The following CA10 variants were observed in gnomAD, a reference collection of about 807,000 sequenced individuals.
CA10 encodes the protein carbonic anhydrase 10 (inactive).
A neutral mutation model predicts 44.2 loss-of-function variants in CA10; 14 were observed. That is an observed-to-expected ratio of 0.32 (90% CI 0.21 to 0.50). The LOEUF is 0.50. Among genes scored for constraint, CA10 ranks in the 20% least tolerant of loss-of-function variants. The pLI is 0.99. For synonymous variants in CA10, 159 were observed against 141.6 expected (o/e 1.12, Z -0.87); for missense variants, 350 against 409.7 (o/e 0.85, Z 1.26).
intron 4 of CA10, among the ~76,000 whole-genome samples, chr17:51,710,582 G>C (rs1377502661): frequency 6.6e-6 from 1 of 152,134 alleles, no homozygotes; most frequent in Non-Finnish European, 1.5e-5. Context: ...ACAGGAGGTG[G>C]GAGTTTGGGG....
chr17:52,156,215 G>A (rs1375097661), intron 1 of CA10, among the ~76,000 whole-genome samples: 1 of 152,160 alleles, frequency 6.6e-6, no homozygotes, highest in Non-Finnish European at 1.5e-5. Context: ...TAGACATGTA[G>A]AAGAGAAAGA....
intron 4 of CA10, among the ~76,000 whole-genome samples, chr17:51,728,007 C>T (rs1916587404): frequency 6.6e-6 from 1 of 151,942 alleles, no homozygotes; most frequent in Non-Finnish European, 1.5e-5. Flanking sequence ...CACCTCAGTC[C>T]CTTGAGTAGC....
intron 4 of CA10, among the ~76,000 whole-genome samples, chr17:51,678,990 C>T (rs1456122097): frequency 6.6e-6 from 1 of 152,134 alleles, no homozygotes; most frequent in Non-Finnish European, 1.5e-5. Context: ...TAAGCTTTCT[C>T]CGTTCATTCA....
intron 3 of CA10, among the ~76,000 whole-genome samples, chr17:51,772,680 T>G (rs1163040976): frequency 6.9e-6 from 1 of 145,288 alleles, no homozygotes; most frequent in Non-Finnish European, 1.5e-5. Flanking sequence ...TTTTTTTTTT[T>G]GAACTAGGCC....
intron 3 of CA10, among the ~76,000 whole-genome samples, chr17:51,835,182 T>C (rs1908429746): frequency 6.6e-6 from 1 of 152,164 alleles, no homozygotes; most frequent in Non-Finnish European, 1.5e-5. Context: ...TCAGCCCCCA[T>C]TTGCAGGTAG....
At chr17:52,079,663 T>C (rs1248719521) in intron 1 of CA10, among the ~76,000 whole-genome samples, 1 of 152,090 alleles carries the variant, frequency 6.6e-6, no homozygotes, top group Non-Finnish European at 1.5e-5. Context: ...AGTGGGAATG[T>C]GGACAAAAGT....
chr17:51,925,429 A>AC (rs1183202157), intron 3 of CA10, among the ~76,000 whole-genome samples: 2 of 147,590 alleles, frequency 1.4e-5, no homozygotes, highest in Admixed American at 6.7e-5. Flanking sequence ...ATAAATAACA[A>AC]AAAAAAAAAA....
chr17:51,640,350 T>A (rs1913028842), intron 6 of CA10, among the ~76,000 whole-genome samples: 1 of 152,156 alleles, frequency 6.6e-6, no homozygotes, highest in African/African-American at 2.4e-5. Flanking sequence ...TTAGCTTAAA[T>A]ACATGCTGCC....
intron 2 of CA10, among the ~76,000 whole-genome samples, chr17:51,993,262 TG>T (rs2144107176): frequency 6.6e-6 from 1 of 152,242 alleles, no homozygotes; most frequent in Non-Finnish European, 1.5e-5. Flanking sequence ...GGCAGTTAAT[TG>T]AATTATGTAT....
intron 1 of CA10, among the ~76,000 whole-genome samples, chr17:52,100,628 T>C (rs1211510973): frequency 6.6e-6 from 1 of 152,202 alleles, no homozygotes; most frequent in East Asian, 1.9e-4. Flanking sequence ...AACTACGTCT[T>C]ATCCTGTCTC....
chr17:51,812,566 G>T (rs1390054392), intron 3 of CA10, among the ~76,000 whole-genome samples: 8 of 152,226 alleles, frequency 5.3e-5, no homozygotes, highest in African/African-American at 1.9e-4. Flanking sequence ...CCTTGAAGAA[G>T]ATATTGAGAG....
At chr17:51,746,322 C>G (rs1178598995) in intron 4 of CA10, among the ~76,000 whole-genome samples, 2 of 152,154 alleles carry the variant, frequency 1.3e-5, no homozygotes, top group Non-Finnish European at 2.9e-5. Flanking sequence ...TCTGGAATCC[C>G]ACTTAATTTT....
intron 3 of CA10, among the ~76,000 whole-genome samples, chr17:51,889,536 A>G (rs1379877380): frequency 6.6e-6 from 1 of 151,962 alleles, no homozygotes. Context: ...ATAAAATAAA[A>G]CCAAACCAAA....
At chr17:51,749,969 C>T (rs191378626) in intron 3 of CA10, among the ~76,000 whole-genome samples, 20 of 152,320 alleles carry the variant, frequency 1.3e-4, no homozygotes, top group Admixed American at 2.6e-4. Context: ...TTCCTTGCAA[C>T]CAAATGATCC....
At chr17:52,089,576 T>G (rs1285349300) in intron 1 of CA10, among the ~76,000 whole-genome samples, 1 of 152,156 alleles carries the variant, frequency 6.6e-6, no homozygotes, top group Non-Finnish European at 1.5e-5. Flanking sequence ...AAGTCTCAGA[T>G]AGCTGGTGAC....
intron 2 of CA10, among the ~76,000 whole-genome samples, chr17:51,978,591 A>C (rs1351887031): frequency 6.6e-6 from 1 of 152,108 alleles, no homozygotes; most frequent in South Asian, 2.1e-4. Flanking sequence ...GTATACAAAA[A>C]ATGTACAAAA....
At chr17:51,693,994 T>G (rs368899862) in intron 4 of CA10, among the ~76,000 whole-genome samples, 83 of 152,202 alleles carry the variant, frequency 5.5e-4, no homozygotes, top group African/African-American at 1.9e-3. Flanking sequence ...CACCTGAGGT[T>G]GAGAGTTCGA....
intron 6 of CA10, among the ~76,000 whole-genome samples, chr17:51,636,775 T>TTG (rs57428535): frequency 0.099 from 14,560 of 146,432 alleles, 805 homozygotes; most frequent in African/African-American, 0.16. Context: ...ACTGATTATT[T>TTG]TGTGTGTGTG....
At chr17:51,768,890 A>G (rs920871460) in intron 3 of CA10, among the ~76,000 whole-genome samples, 2 of 152,174 alleles carry the variant, frequency 1.3e-5, no homozygotes, top group Non-Finnish European at 1.5e-5. Flanking sequence ...TCGTTTTCAG[A>G]AAGGAAAGGG....
Sources: gnomAD v4.1 joint callset for allele counts (sites outside exome capture counted in the v4.1 genomes callset) on GRCh38, gnomAD v4.1.1 for gene constraint, MANE v1.5 for transcripts, NCBI Gene and HGNC (gene_info 2026-07-23, HGNC 2026-07-21) for gene names.